DNAH5: variants seen among roughly 807,000 people sequenced by gnomAD.
The protein encoded by DNAH5 is axonemal beta dynein heavy chain 5.
DNAH5 carries 372 observed loss-of-function variants against 518.2 expected under a neutral mutation model. The ratio of observed to expected loss-of-function variants is 0.72; its 90% CI spans 0.66 to 0.78. The LOEUF (loss-of-function observed/expected upper bound fraction) is 0.78. DNAH5 is among the 30% of genes least tolerant of loss of function. The pLI, the probability that DNAH5 is intolerant of heterozygous loss-of-function variation, is 0.00. For synonymous variants in DNAH5, 2,039 were observed against 2,025.9 expected (o/e 1.01, Z -0.17); for missense variants, 5,523 against 5,687.0 (o/e 0.97, Z 0.93).
chr5:13,958,152 A>G (rs961962498), intron 1 of DNAH5, among the ~76,000 whole-genome samples: 7 of 152,030 alleles, frequency 4.6e-5, no homozygotes, highest in Non-Finnish European at 8.8e-5. Flanking sequence ...ACTATTATAA[A>G]TAACAGTATA....
At chr5:13,966,875 G>GT (rs1259017165) in intron 1 of DNAH5, among the ~76,000 whole-genome samples, 1 of 151,918 alleles carries the variant, frequency 6.6e-6, no homozygotes, top group Non-Finnish European at 1.5e-5. Context: ...TTTGCTTTTT[G>GT]TTTTTTGAGA....
intron 12 of DNAH5, among the ~76,000 whole-genome samples, chr5:13,908,300 A>C (rs562323995): frequency 6.6e-6 from 1 of 152,240 alleles, no homozygotes; most frequent in Admixed American, 6.5e-5. Context: ...AAACATCTAC[A>C]TTTTTTCACT....
intron 13 of DNAH5, 28 bp from the exon 14 acceptor site, chr5:13,901,601 G>A: frequency 7.2e-7 from 1 of 1,386,254 alleles, no homozygotes. Flanking sequence ...TTAAAAGCTT[G>A]AATTAATGGA....
intron 67 of DNAH5, among the ~76,000 whole-genome samples, chr5:13,735,616 T>C (rs920268595): frequency 3.3e-5 from 5 of 152,130 alleles, no homozygotes; most frequent in Admixed American, 3.3e-4. Flanking sequence ...ATCAAATCAA[T>C]GGATAAATAG....
intron 1 of DNAH5, among the ~76,000 whole-genome samples, chr5:13,988,208 A>G (rs1783196549): frequency 6.6e-6 from 1 of 152,222 alleles, no homozygotes; most frequent in Non-Finnish European, 1.5e-5. Context: ...AGATAAAATA[A>G]AAGTGGAATG....
In DNAH5 at chr5:13,788,796, C is replaced by T; in HGVS notation, c.8567G>A (p.Gly2856Asp). Residue 2856 changes from glycine to aspartate, a missense_variant, in exon 51 of 79, where the codon GGT (glycine) becomes GAT (aspartate). Gly to Asp is a moderately conservative substitution (Grantham distance 94). Coordinates refer to ENST00000265104, the MANE Select transcript of DNAH5 (RefSeq NM_001369.3). ...ALVSLVEEEF[G>D]EEKKLLVDCG... ...ATCCACCAAGAGTTTTTTCTCTTCA[C>T]CAAACTCCTCCTCTACCAAACTTAC... 2 of 1,614,090 alleles carry T rather than the reference C, an allele frequency of 1.2e-6. No individual in the cohort carries two copies. Among genetic ancestry groups the T allele is most frequent in the Non-Finnish European group, 1.7e-6 (2 of 1,179,970 alleles).
intron 55 of DNAH5, among the ~76,000 whole-genome samples, chr5:13,772,966 C>T (rs1753552037): frequency 1.3e-5 from 2 of 152,094 alleles, no homozygotes; most frequent in Admixed American, 6.6e-5. Context: ...CACTGAAATC[C>T]CTAAGTGTCT....
chr5:13,801,149 G>A (rs566637202), intron 47 of DNAH5, among the ~76,000 whole-genome samples: 3 of 152,272 alleles, frequency 2.0e-5, no homozygotes, highest in African/African-American at 4.8e-5. Flanking sequence ...AATGTTGGAG[G>A]TGAGGCCTGG....
chr5:14,004,987 GC>G (rs1242140728), intron 1 of DNAH5, among the ~76,000 whole-genome samples: 2 of 152,080 alleles, frequency 1.3e-5, no homozygotes, highest in Non-Finnish European at 1.5e-5. Flanking sequence ...TTGGTACTCA[GC>G]AAGGCAGCTC....
In DNAH5 at chr5:13,841,918, C is replaced by CAAAAAAAAAAAAAAAAAAAGAAAAA; in HGVS notation, c.5272-15_5272-14insTTTTTCTTTTTTTTTTTTTTTTTTT. ...TCGATCATAGATCTATGTTAGAAACCAAAAAAAAAAAAAAAAAAAGCTATA... is the reference window on the plus strand; with the variant it reads ...TCGATCATAGATCTATGTTAGAAACCAAAAAAAAAAAAAAAAAAAGAAAAAAAAAAAAAAAAAAAAAAAAGCTATA... On this transcript the variant is annotated splice_polypyrimidine_tract_variant and intron_variant, in intron 32 of 78. Transcript: ENST00000265104. 1 of 591,134 alleles carries CAAAAAAAAAAAAAAAAAAAGAAAAA rather than the reference C, an allele frequency of 1.7e-6. No homozygotes were observed. Among genetic ancestry groups the CAAAAAAAAAAAAAAAAAAAGAAAAA allele is most frequent in the Non-Finnish European group, 2.7e-6 (1 of 370,188 alleles). The allele number at this position is 591,134 out of a possible 1,614,324, so 36.6% of individuals were successfully genotyped here.
intron 1 of DNAH5, among the ~76,000 whole-genome samples, chr5:13,967,474 T>C (rs1270198806): frequency 2.0e-5 from 3 of 152,216 alleles, no homozygotes; most frequent in African/African-American, 7.2e-5. Context: ...TTGTAGAAGA[T>C]CAGCTGGCTG....
intron 7 of DNAH5, among the ~76,000 whole-genome samples, chr5:13,918,706 G>C (rs1776921601): frequency 6.6e-6 from 1 of 152,170 alleles, no homozygotes; most frequent in South Asian, 2.1e-4. Context: ...CTGACCTTGT[G>C]ATCCACCTGC....
chr5:13,784,207 A>C (rs1755627016), intron 52 of DNAH5, among the ~76,000 whole-genome samples: 1 of 152,234 alleles, frequency 6.6e-6, no homozygotes, highest in South Asian at 2.1e-4. Flanking sequence ...TCCAGCAGGC[A>C]GGCTATTTGT....
At chr5:13,752,355 GT>G in intron 63 of DNAH5, 66 bp from the exon 64 acceptor site, 6 of 1,548,786 alleles carry the variant, frequency 3.9e-6, no homozygotes, top group Non-Finnish European at 5.3e-6. Context: ...AGGGATAACT[GT>G]TTTCAAATGA....
chr5:13,969,831 T>C (rs1781757086), intron 1 of DNAH5, among the ~76,000 whole-genome samples: 1 of 152,166 alleles, frequency 6.6e-6, no homozygotes, highest in Admixed American at 6.5e-5. Context: ...CTATTTGTTC[T>C]AGGGTATAGT....
At chr5:13,979,876 T>A (rs914516153) in intron 1 of DNAH5, among the ~76,000 whole-genome samples, 2 of 149,904 alleles carry the variant, frequency 1.3e-5, no homozygotes, top group Non-Finnish European at 1.5e-5. Flanking sequence ...AGTCTTGCTC[T>A]GTTGCCCAGG....
chr5:13,943,894 T>C (rs544136898), intron 1 of DNAH5, among the ~76,000 whole-genome samples: 1 of 152,334 alleles, frequency 6.6e-6, no homozygotes, highest in Non-Finnish European at 1.5e-5. Context: ...CTGAGCCCTG[T>C]GCTAGGGAAG....
rs1580892287 is a variant in DNAH5 at position 13,920,346 on chromosome 5, T to C, written c.798+134A>G. On this transcript the variant is annotated intron_variant, in intron 6 of 78. Coordinates refer to ENST00000265104, the MANE Select transcript of DNAH5 (RefSeq NM_001369.3). Reference sequence around the variant, plus strand: ...TTCATGACAGTAAAGGAAAACCACATTGGACCTCTCACCTCCTCAAGGATT... The same window carrying C: ...TTCATGACAGTAAAGGAAAACCACACTGGACCTCTCACCTCCTCAAGGATT... 5 of 1,193,112 alleles carry C rather than the reference T, an allele frequency of 4.2e-6. No homozygotes were observed. The East Asian group carries it at 7.0e-5, about 17-fold the overall frequency. The allele number at this position is 1,193,112 out of a possible 1,614,324, so 73.9% of individuals were successfully genotyped here.
intron 10 of DNAH5, 86 bp from the exon 11 acceptor site, chr5:13,914,044 G>A: frequency 6.7e-7 from 1 of 1,485,526 alleles, no homozygotes; most frequent in South Asian, 1.2e-5. Context: ...AGCAAAATTA[G>A]GATGGAATTG....
Sources: gnomAD v4.1 joint callset for allele counts (sites outside exome capture counted in the v4.1 genomes callset) on GRCh38, gnomAD v4.1.1 for gene constraint, MANE v1.5 for transcripts, NCBI Gene and HGNC (gene_info 2026-07-23, HGNC 2026-07-21) for gene names.